Variants in CMPK1 observed in about 807,000 individuals in gnomAD.
CMPK1 encodes the protein cytidine/uridine monophosphate kinase 1.
A neutral mutation model predicts 25.7 loss-of-function variants in CMPK1; 10 were observed. The observed-to-expected ratio is 0.39, with a 90% CI of 0.24 to 0.66. CMPK1 has a LOEUF of 0.66. CMPK1 is among the 30% of genes least tolerant of loss of function. The probability of loss-of-function intolerance (pLI) is 0.48; values close to 1 mark genes in which losing one functional copy is unlikely to be tolerated. For missense variants in CMPK1, 199 were observed against 280.5 expected (o/e 0.71, Z 2.08); for synonymous variants, 106 against 101.5 (o/e 1.04, Z -0.27).
intron 1 of CMPK1, chr1:47,358,892 G>A (rs1646581490): frequency 4.1e-6 from 4 of 985,258 alleles, no homozygotes; most frequent in Non-Finnish European, 4.8e-6. Context: ...ACTAAAATGT[G>A]ATTATTTCAT....
chr1:47,367,833 T>C (rs535661214), intron 1 of CMPK1, among the ~76,000 whole-genome samples: 29 of 152,316 alleles, frequency 1.9e-4, no homozygotes, highest in Admixed American at 6.5e-4. Context: ...AGTGGTGCAA[T>C]CACGGTTCAC....
intron 2 of CMPK1, 147 bp from the exon 3 acceptor site, chr1:47,372,808 C>G (rs867989939): frequency 8.8e-5 from 35 of 398,774 alleles, no homozygotes; most frequent in Admixed American, 3.4e-4. Flanking sequence ...TTCTTTTTTT[C>G]TTTTCTTTTT....
At chr1:47,362,789 C>A (rs1476501053) in intron 1 of CMPK1, among the ~76,000 whole-genome samples, 1 of 152,162 alleles carries the variant, frequency 6.6e-6, no homozygotes, top group East Asian at 1.9e-4. Context: ...CACACATTTA[C>A]AAATACTGTG....
At chr1:47,345,955 A>G (rs527766876) in intron 1 of CMPK1, among the ~76,000 whole-genome samples, 5 of 150,604 alleles carry the variant, frequency 3.3e-5, no homozygotes, top group African/African-American at 7.4e-5. Flanking sequence ...GGGATTCACC[A>G]TGTTGGTTGG....
At chr1:47,359,087 G>A (rs1646583137) in intron 1 of CMPK1, among the ~76,000 whole-genome samples, 1 of 152,060 alleles carries the variant, frequency 6.6e-6, no homozygotes, top group African/African-American at 2.4e-5. Context: ...GGGAGGCCGA[G>A]GTGGGCGGAT....
intron 1 of CMPK1, among the ~76,000 whole-genome samples, chr1:47,355,092 G>A (rs993424029): frequency 5.9e-5 from 9 of 151,846 alleles, no homozygotes; most frequent in African/African-American, 2.2e-4. Flanking sequence ...TGTCGCTCAG[G>A]TTGGAGTGCA....
rs1646723689 is a variant in CMPK1 at position 47,378,768 on chromosome 1, T to C, written c.*2023T>C. Reference sequence around the variant, plus strand: ...CTTGCTTATTTTTAAATTATTTCCATTCAGTGATGTTGGATGTATATCAGT... The same window carrying C: ...CTTGCTTATTTTTAAATTATTTCCACTCAGTGATGTTGGATGTATATCAGT... On this transcript the variant is annotated 3_prime_UTR_variant, in exon 6 of 6. Coordinates refer to ENST00000371873, the MANE Select transcript of CMPK1 (RefSeq NM_016308.3). 1.3e-5 allele frequency: 2 copies of C among 149,282 alleles called. No homozygotes were observed. The highest frequency in any genetic ancestry group is 1.5e-5 in the Non-Finnish European group (1 of 67,322). The allele number at this position is 149,282 out of a possible 1,614,324, so 9.2% of individuals were successfully genotyped here. A position where few individuals can be genotyped will look rare whatever the true frequency, so the allele number is the denominator to read the frequency against.
At chr1:47,359,564 A>G (rs1433403048) in intron 1 of CMPK1, among the ~76,000 whole-genome samples, 1 of 150,722 alleles carries the variant, frequency 6.6e-6, no homozygotes, top group Non-Finnish European at 1.5e-5. Flanking sequence ...ATTTTTTTGT[A>G]TTTTTGTAAA....
chr1:47,368,408 G>A (rs1246654382), intron 1 of CMPK1, 61 bp from the exon 2 acceptor site: 1 of 1,396,356 alleles, frequency 7.2e-7, no homozygotes, highest in East Asian at 2.5e-5. Flanking sequence ...AGGAAAAAAA[G>A]TATAGTCCTA....
At chr1:47,352,924 G>GA (rs1646533059) in intron 1 of CMPK1, among the ~76,000 whole-genome samples, 1 of 145,212 alleles carries the variant, frequency 6.9e-6, no homozygotes. Flanking sequence ...ATATACTTAT[G>GA]AAGGTAAATT....
intron 1 of CMPK1, among the ~76,000 whole-genome samples, chr1:47,349,402 G>T (rs1004357767): frequency 3.3e-5 from 5 of 152,144 alleles, no homozygotes; most frequent in African/African-American, 1.2e-4. Context: ...AAAACGAAGC[G>T]TATAGAGGAG....
chr1:47,342,993 T>A (rs1403078547), intron 1 of CMPK1, among the ~76,000 whole-genome samples: 9 of 151,270 alleles, frequency 5.9e-5, no homozygotes, highest in African/African-American at 2.2e-4. Flanking sequence ...TTTGTATTTT[T>A]TTTTTTTTTT....
chr1:47,365,527 G>A (rs1646633350), intron 1 of CMPK1, among the ~76,000 whole-genome samples: 1 of 151,520 alleles, frequency 6.6e-6, no homozygotes, highest in Non-Finnish European at 1.5e-5. Context: ...CCAGCTACTC[G>A]GGAGGCTGAG....
intron 1 of CMPK1, among the ~76,000 whole-genome samples, chr1:47,366,191 C>A (rs7541522): frequency 0.18 from 26,986 of 152,100 alleles, 3,045 homozygotes; most frequent in East Asian, 0.54. Context: ...GTCTGAACAA[C>A]AACAACAAAA....
intron 1 of CMPK1, among the ~76,000 whole-genome samples, chr1:47,346,212 G>T (rs377337493): frequency 2.0e-5 from 3 of 152,058 alleles, no homozygotes; most frequent in South Asian, 4.2e-4. Flanking sequence ...ACCACGCCCG[G>T]CTAATTTTTG....
In CMPK1 at chr1:47,334,920, A is replaced by G. The variant is rs186723766; in HGVS notation, c.171+804A>G. Among the ~76,000 whole-genome samples the G allele has an allele frequency of 4.6e-5, 7 of 152,342 alleles. No homozygotes were observed. The East Asian group carries it at 1.3e-3, about 29-fold the overall frequency. On this transcript the variant is annotated intron_variant, in intron 1 of 5. Transcript: ENST00000371873. ...ATATAAAACACCTCCCAAATGTAAAATGCTGTTACTTTTTTTTCTTTTGCT... is the reference window on the plus strand; with the variant it reads ...ATATAAAACACCTCCCAAATGTAAAGTGCTGTTACTTTTTTTTCTTTTGCT...
intron 1 of CMPK1, among the ~76,000 whole-genome samples, chr1:47,345,986 C>T (rs142719131): frequency 0.021 from 3,202 of 152,074 alleles, 129 homozygotes; most frequent in African/African-American, 0.074. Flanking sequence ...TCAGGTGATC[C>T]ACCCACCTTG....
intron 1 of CMPK1, among the ~76,000 whole-genome samples, chr1:47,338,239 A>G (rs1045275442): frequency 2.6e-5 from 4 of 152,186 alleles, no homozygotes; most frequent in African/African-American, 9.6e-5. Flanking sequence ...AGAGAAAACC[A>G]AAAACCCTTA....
chr1:47,375,239 A>G lies in CMPK1; in HGVS notation c.591A>G (p.Leu197=). 6.2e-7 allele frequency: 1 copy of G among 1,609,816 alleles called. No homozygotes were observed. The highest frequency in any genetic ancestry group is 1.7e-4 in the Middle Eastern group (1 of 6,040). Residue 197 remains leucine (L), a synonymous_variant, in exon 5 of 6, where the codon TTA becomes TTG. Coordinates refer to ENST00000371873, the MANE Select transcript of CMPK1 (RefSeq NM_016308.3). ...AGTCAACAAAGCCAATTATTGACTT[A>G]TATGAAGAAATGGGGAAAGTCAAGA... ...YLQSTKPIID[L]YEEMGKVKKI... is the part of the protein sequence containing the mutation.
Sources: gnomAD v4.1 joint callset for allele counts (sites outside exome capture counted in the v4.1 genomes callset) on GRCh38, gnomAD v4.1.1 for gene constraint, MANE v1.5 for transcripts, NCBI Gene and HGNC (gene_info 2026-07-23, HGNC 2026-07-21) for gene names.